ANKS1B: variants seen among roughly 807,000 people sequenced by gnomAD.
ANKS1B encodes the protein ankyrin repeat and sterile alpha motif domain containing 1B.
In ANKS1B, 36 loss-of-function variants were observed where a neutral mutation model predicts 148.3. That is an observed-to-expected ratio of 0.24 (90% CI 0.19 to 0.32). ANKS1B has a LOEUF of 0.32. Ranked by LOEUF, ANKS1B falls within the 10% of genes least tolerant of loss-of-function variation. ANKS1B has a pLI of 1.00. For missense variants in ANKS1B, 1,157 were observed against 1,542.6 expected (o/e 0.75, Z 4.19); for synonymous variants, 542 against 560.8 (o/e 0.97, Z 0.47).
intron 8 of ANKS1B, among the ~76,000 whole-genome samples, chr12:99,708,319 T>C (rs974756593): frequency 1.3e-5 from 2 of 152,152 alleles, no homozygotes; most frequent in African/African-American, 4.8e-5. Context: ...TTTAATACCA[T>C]ATTGAGGACT....
chr12:99,900,388 C>T (rs1237515918), intron 1 of ANKS1B, among the ~76,000 whole-genome samples: 2 of 151,262 alleles, frequency 1.3e-5, no homozygotes, highest in African/African-American at 4.8e-5. Flanking sequence ...TGCCTGTAGT[C>T]CCAGCTACTC....
intron 8 of ANKS1B, among the ~76,000 whole-genome samples, chr12:99,697,550 T>C (rs2054121271): frequency 6.6e-6 from 1 of 152,044 alleles, no homozygotes; most frequent in South Asian, 2.1e-4. Flanking sequence ...ATGGAGACAA[T>C]GAAAAGATCA....
chr12:99,232,596 T>C (rs1860740545), intron 14 of ANKS1B, among the ~76,000 whole-genome samples: 1 of 152,230 alleles, frequency 6.6e-6, no homozygotes, highest in African/African-American at 2.4e-5. Flanking sequence ...ATATTCAACC[T>C]GATTCTTAGA....
At chr12:99,309,183 A>G (rs141421660) in intron 12 of ANKS1B, among the ~76,000 whole-genome samples, 6 of 151,778 alleles carry the variant, frequency 4.0e-5, no homozygotes, top group African/African-American at 1.4e-4. Context: ...TTCTTACCTC[A>G]TTGCATTGGC....
intron 1 of ANKS1B, among the ~76,000 whole-genome samples, chr12:99,876,342 T>A (rs1308420173): frequency 6.6e-6 from 1 of 152,154 alleles, no homozygotes; most frequent in Non-Finnish European, 1.5e-5. Context: ...CCCTCTCTGC[T>A]TAGGAAGACA....
chr12:99,864,361 G>A (rs958215911), intron 1 of ANKS1B, among the ~76,000 whole-genome samples: 1 of 152,098 alleles, frequency 6.6e-6, no homozygotes, highest in African/African-American at 2.4e-5. Flanking sequence ...AAAATCAAAG[G>A]TTTTCATGAT....
chr12:98,932,123 G>A (rs1466799135), intron 17 of ANKS1B, among the ~76,000 whole-genome samples: 1 of 152,140 alleles, frequency 6.6e-6, no homozygotes, highest in Non-Finnish European at 1.5e-5. Flanking sequence ...CCAGGGAAGA[G>A]ACCAGGGGGA....
intron 16 of ANKS1B, among the ~76,000 whole-genome samples, chr12:99,080,677 G>A (rs1219867594): frequency 6.6e-6 from 1 of 152,136 alleles, no homozygotes; most frequent in Non-Finnish European, 1.5e-5. Flanking sequence ...AAGCGTTTAT[G>A]CCCTTTTAAA....
intron 17 of ANKS1B, among the ~76,000 whole-genome samples, chr12:98,916,009 G>T (rs372917559): frequency 7.2e-5 from 11 of 152,228 alleles, no homozygotes; most frequent in African/African-American, 2.6e-4. Flanking sequence ...TGCCTATCCT[G>T]CCTTCCTGCT....
intron 9 of ANKS1B, among the ~76,000 whole-genome samples, chr12:99,510,227 G>T (rs2096750905): frequency 6.6e-6 from 1 of 151,962 alleles, no homozygotes; most frequent in South Asian, 2.1e-4. Context: ...CCAGCCCATA[G>T]ATCAAGGATT....
intron 14 of ANKS1B, among the ~76,000 whole-genome samples, chr12:99,180,626 G>GTTTTTTTT (rs11415606): frequency 7.9e-6 from 1 of 126,024 alleles, no homozygotes; most frequent in African/African-American, 2.9e-5. Context: ...GAGGGAAAGG[G>GTTTTTTTT]TTTTTTTTTT....
At chr12:99,953,739 T>C (rs2095268458) in intron 1 of ANKS1B, among the ~76,000 whole-genome samples, 1 of 152,102 alleles carries the variant, frequency 6.6e-6, no homozygotes, top group African/African-American at 2.4e-5. Context: ...GAGGTTCATC[T>C]TAGAAAAGGG....
intron 19 of ANKS1B, among the ~76,000 whole-genome samples, chr12:98,814,869 T>A (rs926320008): frequency 9.9e-5 from 15 of 152,226 alleles, no homozygotes; most frequent in African/African-American, 3.1e-4. Context: ...TTTGAAGGTG[T>A]ATAATTTTAT....
intron 9 of ANKS1B, among the ~76,000 whole-genome samples, chr12:99,588,855 G>T (rs922744649): frequency 6.6e-6 from 1 of 152,132 alleles, no homozygotes; most frequent in Non-Finnish European, 1.5e-5. Context: ...ATTTAACAGA[G>T]ATCATATTTT....
intron 1 of ANKS1B, among the ~76,000 whole-genome samples, chr12:99,960,623 G>C (rs2095396999): frequency 6.6e-6 from 1 of 152,180 alleles, no homozygotes; most frequent in African/African-American, 2.4e-5. Context: ...GACTGTGTCT[G>C]AATCTGTAGA....
chr12:99,345,209 T>C (rs980671527), intron 12 of ANKS1B, among the ~76,000 whole-genome samples: 5 of 152,092 alleles, frequency 3.3e-5, no homozygotes, highest in Non-Finnish European at 5.9e-5. Context: ...ATTGTTACTA[T>C]GCCAATCACT....
At chr12:99,187,568 C>G (rs1469685967) in intron 14 of ANKS1B, among the ~76,000 whole-genome samples, 1 of 152,092 alleles carries the variant, frequency 6.6e-6, no homozygotes, top group African/African-American at 2.4e-5. Context: ...AATTTTCAAC[C>G]CAGAATTTCA....
At chr12:99,587,531 A>G (rs1318477922) in intron 9 of ANKS1B, among the ~76,000 whole-genome samples, 1 of 152,196 alleles carries the variant, frequency 6.6e-6, no homozygotes, top group Admixed American at 6.5e-5. Flanking sequence ...ATCTTAGCGA[A>G]TCAAACTTCT....
chr12:99,535,921 T>G (rs978826083), intron 9 of ANKS1B, among the ~76,000 whole-genome samples: 8 of 152,166 alleles, frequency 5.3e-5, no homozygotes, highest in Non-Finnish European at 1.0e-4. Context: ...GTATTTAAAT[T>G]TGCTCTAATC....
Sources: allele counts gnomAD v4.1 joint callset (sites outside exome capture counted in the v4.1 genomes callset), GRCh38; gene constraint gnomAD v4.1.1; transcripts MANE v1.5; gene names NCBI Gene and HGNC (gene_info 2026-07-23, HGNC 2026-07-21).